Variants in WDR41 observed in about 807,000 individuals in gnomAD.
WDR41 encodes the protein WD repeat domain 41.
WDR41 carries 63 observed loss-of-function variants against 69.3 expected under a neutral mutation model. That is an observed-to-expected ratio of 0.91 (90% CI 0.74 to 1.12). The LOEUF (loss-of-function observed/expected upper bound fraction) is 1.12, where lower values mean the gene tolerates loss of function less well. Ranked by LOEUF, WDR41 falls within the 50% of genes most tolerant of loss-of-function variation. The pLI is 0.00. For synonymous variants in WDR41, 185 were observed against 192.1 expected (o/e 0.96, Z 0.31); for missense variants, 543 against 534.5 (o/e 1.02, Z -0.16).
intron 1 of WDR41, among the ~76,000 whole-genome samples, chr5:77,504,605 C>A (rs1802076933): frequency 1.3e-5 from 2 of 152,202 alleles, no homozygotes; most frequent in Admixed American, 1.3e-4. Context: ...CCCTGACGAA[C>A]ATCGATGCAA....
upstream of WDR41, among the ~76,000 whole-genome samples, chr5:77,493,711 A>G (rs1801892515): frequency 1.3e-5 from 2 of 152,222 alleles, no homozygotes; most frequent in African/African-American, 2.4e-5. Context: ...ATCTTTAAGT[A>G]AAACAAAACT....
At chr5:77,479,977 GAAA>G (rs1277180582) in intron 2 of WDR41, 1 of 151,700 alleles carries the variant, frequency 6.6e-6, no homozygotes, top group Non-Finnish European at 1.5e-5. Context: ...AAATTTACAA[GAAA>G]AAAACAAACA....
rs767120549 is a variant in WDR41 at position 77,453,808 on chromosome 5, G to GT, written c.523+8dup. The GT allele has an allele frequency of 4.4e-6, 7 of 1,605,004 alleles. No homozygotes were observed. Among genetic ancestry groups the GT allele is most frequent in the South Asian group, 3.3e-5 (3 of 90,880 alleles). On this transcript the variant is annotated intron_variant, in intron 6 of 12. Transcript: ENST00000296679. ...AATCATAGTTCAAAATTACCTTGAT[G>GT]TTTTTTACCTGTATCAGAAAGGTGG...
intron 1 of WDR41, among the ~76,000 whole-genome samples, chr5:77,490,221 C>T (rs1453300271): frequency 6.6e-6 from 1 of 152,128 alleles, no homozygotes; most frequent in Non-Finnish European, 1.5e-5. Context: ...GCCTCGGCCT[C>T]CCAAAGTGCT....
chr5:77,538,951 A>G (rs184724063), intron 1 of WDR41, among the ~76,000 whole-genome samples: 89 of 152,304 alleles, frequency 5.8e-4, no homozygotes, highest in African/African-American at 2.0e-3. Context: ...AGGTGGCTTT[A>G]ACAACAAGCA....
chr5:77,609,112 G>A (rs963113623), intron 1 of WDR41, among the ~76,000 whole-genome samples: 5 of 152,200 alleles, frequency 3.3e-5, no homozygotes, highest in Non-Finnish European at 7.3e-5. Flanking sequence ...AGGGGCACCC[G>A]ACATTGCCCA....
intron 1 of WDR41, among the ~76,000 whole-genome samples, chr5:77,594,968 A>C (rs906209347): frequency 6.6e-6 from 1 of 152,216 alleles, no homozygotes; most frequent in East Asian, 1.9e-4. Context: ...AGGGTCTGAA[A>C]TAGTAAGAAA....
At chr5:77,543,957 C>T (rs897581636) in intron 1 of WDR41, among the ~76,000 whole-genome samples, 1 of 152,144 alleles carries the variant, frequency 6.6e-6, no homozygotes. Context: ...CAGCAGATTT[C>T]TCAGCAGAAA....
chr5:77,579,877 A>G (rs914941461), intron 1 of WDR41, among the ~76,000 whole-genome samples: 2 of 152,180 alleles, frequency 1.3e-5, no homozygotes, highest in South Asian at 2.1e-4. Flanking sequence ...GAAATATAAT[A>G]TATGTGTAAT....
At chr5:77,606,107 T>G (rs902328035) in intron 1 of WDR41, among the ~76,000 whole-genome samples, 105 of 152,190 alleles carry the variant, frequency 6.9e-4, no homozygotes, top group African/African-American at 2.5e-3. Flanking sequence ...CAAGCAGAAT[T>G]CATCCCTCTT....
rs536864097 is a variant in WDR41, at chr5:77,574,035, C to T, written c.42+46444G>A. ...ATTCCTGGCTGGGTGCAATGATTCA[C>T]GCCTGTAATCCCAGCACTTTGGGAG... On this transcript the variant is annotated intron_variant, in intron 1 of 5. Transcript: ENST00000509971. 5.3e-5 allele frequency among the ~76,000 whole-genome samples: 8 copies of T among 152,250 alleles called. No homozygotes were observed. In the South Asian group the frequency reaches 8.3e-4, roughly 16 times the overall value.
At chr5:77,493,005 T>C (rs1208972722), upstream of WDR41, among the ~76,000 whole-genome samples, 1 of 152,226 alleles carries the variant, frequency 6.6e-6, no homozygotes, top group Non-Finnish European at 1.5e-5. Flanking sequence ...GCAGTTCATA[T>C]ACCTTTTTTT....
chr5:77,615,886 G>C (rs991647467), intron 1 of WDR41, among the ~76,000 whole-genome samples: 2 of 151,948 alleles, frequency 1.3e-5, no homozygotes, highest in Non-Finnish European at 2.9e-5. Flanking sequence ...CCAGATACTC[G>C]GGAGGCTGAG....
In WDR41 at chr5:77,431,527, G is replaced by C. The variant is rs1283999711; in HGVS notation, c.*1608C>G. On this transcript the variant is annotated 3_prime_UTR_variant, in exon 13 of 13. Coordinates refer to ENST00000296679, the MANE Select transcript of WDR41 (RefSeq NM_018268.4). ...GATGTGGTCTGAAACCTAACCTGTA[G>C]TATCTCTGAGGTACGCCTGTATAAT... 2.0e-5 allele frequency: 3 copies of C among 152,172 alleles called. No homozygotes were observed. Among genetic ancestry groups the C allele is most frequent in the Non-Finnish European group, 1.5e-5 (1 of 68,034 alleles). The allele number at this position is 152,172 out of a possible 1,614,324, so 9.4% of individuals were successfully genotyped here.
chr5:77,498,082 G>A lies in WDR41; in HGVS notation c.43-8510C>T, dbSNP rs573769455. Among the ~76,000 whole-genome samples the A allele has an allele frequency of 8.5e-5, 13 of 152,278 alleles. No homozygotes were observed. In the South Asian group the frequency reaches 2.7e-3, roughly 32 times the overall value. On this transcript the variant is annotated intron_variant, in intron 1 of 5. Coordinates refer to the WDR41 transcript ENST00000509971. ...AGAAAATAGAACAGAGGTTACCAGG[G>A]ATGGGAGAGGGGGAAATAGGGAGTT...
At chr5:77,541,867 C>T (rs577656129) in intron 1 of WDR41, among the ~76,000 whole-genome samples, 39 of 152,254 alleles carry the variant, frequency 2.6e-4, no homozygotes, top group African/African-American at 9.1e-4. Context: ...TATGGCAATT[C>T]CTCAAAGACC....
chr5:77,433,230 TAATG>T lies in WDR41; in HGVS notation c.1281_1284del (p.Ile428PhefsTer15). ...TCTCGCTCTCCATTTTTCCACAAAA[TAATG>T]AGATGATCAGCGGAGCACGTCACTA... On this transcript the variant is annotated frameshift_variant, in exon 13 of 13. Transcript: ENST00000296679. LOFTEE classifies it high-confidence loss of function. 6.2e-7 allele frequency: 1 copy of T among 1,613,718 alleles called. No homozygotes were observed. Among genetic ancestry groups the T allele is most frequent in the African/African-American group, 1.3e-5 (1 of 75,032 alleles).
intron 1 of WDR41, among the ~76,000 whole-genome samples, chr5:77,563,685 A>G (rs1743565077): frequency 6.6e-6 from 1 of 152,194 alleles, no homozygotes; most frequent in Non-Finnish European, 1.5e-5. Flanking sequence ...GCAGTGTGCC[A>G]GGACATACTG....
chr5:77,445,036 TAGACTTATAA>T (rs1026990189), intron 8 of WDR41, among the ~76,000 whole-genome samples: 2 of 152,020 alleles, frequency 1.3e-5, no homozygotes, highest in African/African-American at 4.8e-5. Flanking sequence ...GACCACTAGC[TAGACTTATAA>T]AGACGAAAAG....
Sources: gnomAD v4.1 joint callset for allele counts (sites outside exome capture counted in the v4.1 genomes callset) on GRCh38, gnomAD v4.1.1 for gene constraint, MANE v1.5 for transcripts, NCBI Gene and HGNC (gene_info 2026-07-23, HGNC 2026-07-21) for gene names.